The following GPR137B variants were observed in gnomAD, a reference collection of about 807,000 sequenced individuals.
GPR137B encodes G protein-coupled receptor 137B, also known as integral membrane protein GPR137B.
In GPR137B, 42 loss-of-function variants were observed where a neutral mutation model predicts 42.5. The ratio of observed to expected loss-of-function variants is 0.99; its 90% confidence interval spans 0.77 to 1.28. The LOEUF is 1.28. Ranked by LOEUF, GPR137B falls within the 50% of genes most tolerant of loss-of-function variation. The probability of loss-of-function intolerance (pLI) is 0.00; values close to 1 mark genes in which losing one functional copy is unlikely to be tolerated. For synonymous variants in GPR137B, 218 were observed against 209.7 expected (o/e 1.04, Z -0.34); for missense variants, 487 against 493.9 (o/e 0.99, Z 0.13).
At position 236,142,719 on chromosome 1, in the gene GPR137B, C is replaced by T; in HGVS notation, c.97C>T (p.Leu33=). The part of the protein sequence containing the change: ...PARNDSLPPT[L]TPAVPPYVKL... The stretch of plus-strand genomic sequence containing the variant: ...CCGCAACGACTCGCTGCCGCCCACG[C>T]TGACCCCGGCCGTGCCCCCCTACGT... Residue 33 remains leucine, a synonymous_variant, in exon 1 of 7, where the codon CTG becomes TTG. Coordinates refer to ENST00000366592, the MANE Select transcript of GPR137B (RefSeq NM_003272.4). 1 of 1,606,954 alleles carries T rather than the reference C, an allele frequency of 6.2e-7. No individual in the cohort carries two copies. Among genetic ancestry groups the T allele is most frequent in the Middle Eastern group, 1.7e-4 (1 of 6,060 alleles).
chr1:236,187,565 C>A (rs1663069175), intron 5 of GPR137B, among the ~76,000 whole-genome samples: 1 of 152,090 alleles, frequency 6.6e-6, no homozygotes, highest in South Asian at 2.1e-4. Context: ...CCAGTTTTCC[C>A]AACACCATTT....
chr1:236,156,050 A>C lies in GPR137B; in HGVS notation c.415-12656A>C, dbSNP rs935059239. ...GGCGCCAGGTGAGCCAAACAGGACC[A>C]TGCAGCGGAGCTCTCAGGAGGGCTG... On this transcript the variant is annotated intron_variant, in intron 1 of 6. Transcript: ENST00000366592. This position sits in a 1 kb window ranked among gnomAD's most constrained non-coding sequence, Gnocchi z 4.8. Among the ~76,000 whole-genome samples the C allele has an allele frequency of 2.0e-5, 3 of 152,214 alleles. No individual in the cohort carries two copies. The highest frequency in any genetic ancestry group is 4.4e-5 in the Non-Finnish European group (3 of 68,030).
intron 1 of GPR137B, among the ~76,000 whole-genome samples, chr1:236,144,007 T>C (rs1314429923): frequency 6.6e-6 from 1 of 152,004 alleles, no homozygotes; most frequent in African/African-American, 2.4e-5. Flanking sequence ...GTCAACGGTG[T>C]CACCTGGTGA....
chr1:236,161,936 G>A (rs1662216303), intron 1 of GPR137B, among the ~76,000 whole-genome samples: 1 of 152,114 alleles, frequency 6.6e-6, no homozygotes, highest in African/African-American at 2.4e-5. Flanking sequence ...CCAGGAGTGG[G>A]GTGTTGCTGA....
chr1:236,168,285 G>C (rs1008559271), intron 1 of GPR137B, among the ~76,000 whole-genome samples: 4 of 152,066 alleles, frequency 2.6e-5, no homozygotes, highest in Non-Finnish European at 5.9e-5. Context: ...AAATTAACTG[G>C]GTGTGGTGAC....
At chr1:236,148,193 A>T (rs1261434985) in intron 1 of GPR137B, among the ~76,000 whole-genome samples, 2 of 152,226 alleles carry the variant, frequency 1.3e-5, no homozygotes, top group African/African-American at 2.4e-5. Context: ...GTCTCTGCTC[A>T]TGAGGAATTA....
In GPR137B at chr1:236,192,073, C is replaced by T. The variant is rs558394310; in HGVS notation, c.966+8167C>T. The stretch of plus-strand genomic sequence containing the variant: ...TGGCCACAGTGGCCTTGCTGAGCTG[C>T]CATGGGCTCTGCCCAGTTTGAACTT... On this transcript the variant is annotated intron_variant, in intron 5 of 6. Transcript: ENST00000366592. Among the ~76,000 whole-genome samples, 14 of 152,334 alleles carry T rather than the reference C, an allele frequency of 9.2e-5. No homozygotes were observed. In the South Asian group the frequency reaches 2.9e-3, roughly 32 times the overall value.
chr1:236,147,284 C>T (rs990238899), intron 1 of GPR137B, among the ~76,000 whole-genome samples: 5 of 152,246 alleles, frequency 3.3e-5, no homozygotes, highest in East Asian at 1.9e-4. Flanking sequence ...TGACTGCCAG[C>T]GTGTCGGCCT....
chr1:236,148,959 C>G (rs886879270), intron 1 of GPR137B, among the ~76,000 whole-genome samples: 2 of 152,166 alleles, frequency 1.3e-5, no homozygotes, highest in African/African-American at 4.8e-5. Flanking sequence ...GAGACAGAAA[C>G]TGTAATACTC....
rs981806426 is a variant in GPR137B, at chr1:236,171,128, T to C, written c.464+2373T>C. ...AACTTTATACAACATTTTAAATAAC[T>C]CAGCATAAAACAGTTGTAACTGTGT... On this transcript the variant is annotated intron_variant, in intron 2 of 6. Coordinates refer to ENST00000366592, the MANE Select transcript of GPR137B (RefSeq NM_003272.4). The surrounding 1 kb of genome is among the most constrained non-coding windows in gnomAD (Gnocchi z 4.4). 6.6e-6 allele frequency among the ~76,000 whole-genome samples: 1 copy of C among 152,196 alleles called. No individual in the cohort carries two copies. The highest frequency in any genetic ancestry group is 2.4e-5 in the African/African-American group (1 of 41,444).
At chr1:236,205,568 C>G (rs908681773) in intron 6 of GPR137B, among the ~76,000 whole-genome samples, 1 of 152,148 alleles carries the variant, frequency 6.6e-6, no homozygotes, top group Non-Finnish European at 1.5e-5. Flanking sequence ...GAGATAGGGT[C>G]TCACTCTGTT....
At chr1:236,151,231 C>T (rs571431443) in intron 1 of GPR137B, among the ~76,000 whole-genome samples, 10 of 152,160 alleles carry the variant, frequency 6.6e-5, no homozygotes, top group Admixed American at 2.0e-4. Context: ...AGGCATTCCC[C>T]GAGGGCTGCA....
At chr1:236,207,752 A>ATGTT (rs1663704386) in intron 6 of GPR137B, among the ~76,000 whole-genome samples, 1 of 152,166 alleles carries the variant, frequency 6.6e-6, no homozygotes. Flanking sequence ...GCTGTACTCC[A>ATGTT]TGTTAGGATT....
intron 1 of GPR137B, among the ~76,000 whole-genome samples, chr1:236,167,010 A>G (rs953355341): frequency 3.3e-5 from 5 of 152,166 alleles, no homozygotes; most frequent in Non-Finnish European, 5.9e-5. Context: ...CAGGAGCTTC[A>G]GGGGGCTGTG....
intron 2 of GPR137B, 102 bp downstream of exon 2, chr1:236,168,857 C>A: frequency 1.1e-6 from 1 of 873,252 alleles, no homozygotes; most frequent in Non-Finnish European, 2.0e-6. Flanking sequence ...GTTCTGTGAG[C>A]CGCCGGAAAC....
intron 5 of GPR137B, among the ~76,000 whole-genome samples, chr1:236,192,892 T>TTTTG (rs767961786): frequency 9.8e-4 from 122 of 124,252 alleles, no homozygotes; most frequent in African/African-American, 4.7e-3. Context: ...TTCAAGCTTT[T>TTTTG]TTTGTTTGTT....
intron 2 of GPR137B, 127 bp from the exon 3 acceptor site, chr1:236,178,287 C>T: frequency 1.6e-6 from 1 of 639,798 alleles, no homozygotes; most frequent in Non-Finnish European, 2.8e-6. Context: ...ACGTCTATTG[C>T]CAGAGTCCAA....
Position 236,150,596 on chromosome 1 carries a change from A to C in GPR137B, c.414+7560A>C, listed in dbSNP as rs1661830331. On this transcript the variant is annotated intron_variant, in intron 1 of 6. Transcript: ENST00000366592. The surrounding 1 kb of genome is among the most constrained non-coding windows in gnomAD (Gnocchi z 6.2). ...TTAGGCCCCTCACAGCACATTCAGCATCCAACCCCAGTGACCATGCAGGAA... is the reference window on the plus strand; with the variant it reads ...TTAGGCCCCTCACAGCACATTCAGCCTCCAACCCCAGTGACCATGCAGGAA... Among the ~76,000 whole-genome samples the C allele has an allele frequency of 6.6e-6, 1 of 152,160 alleles. No individual in the cohort carries two copies. Among genetic ancestry groups the C allele is most frequent in the South Asian group, 2.1e-4 (1 of 4,824 alleles).
At chr1:236,195,073 G>T (rs1297995743) in intron 5 of GPR137B, among the ~76,000 whole-genome samples, 5 of 152,030 alleles carry the variant, frequency 3.3e-5, no homozygotes, top group Non-Finnish European at 7.4e-5. Flanking sequence ...ATGGAGAATG[G>T]TGTCTCCATC....
Sources: allele counts gnomAD v4.1 joint callset (sites outside exome capture counted in the v4.1 genomes callset), GRCh38; gene constraint gnomAD v4.1.1; non-coding constraint Gnocchi (gnomAD v3.1); transcripts MANE v1.5; gene names NCBI Gene and HGNC (gene_info 2026-07-23, HGNC 2026-07-21).